SORCS1: variants seen among roughly 807,000 people sequenced by gnomAD.
SORCS1 encodes VPS10 domain-containing receptor SorCS1.
A neutral mutation model predicts 146.1 loss-of-function variants in SORCS1; 60 were observed. The ratio of observed to expected loss-of-function variants is 0.41; its 90% CI spans 0.33 to 0.51. SORCS1 has a LOEUF of 0.51. SORCS1 is among the 20% of genes least tolerant of loss of function. The probability of loss-of-function intolerance (pLI) is 0.21; values close to 1 mark genes in which losing one functional copy is unlikely to be tolerated. For synonymous variants in SORCS1, 637 were observed against 584.0 expected (o/e 1.09, Z -1.31); for missense variants, 1,352 against 1,487.6 (o/e 0.91, Z 1.50).
At chr10:107,101,106 C>T (rs146483378) in intron 1 of SORCS1, among the ~76,000 whole-genome samples, 446 of 152,258 alleles carry the variant, frequency 2.9e-3, no homozygotes, top group African/African-American at 9.7e-3. Flanking sequence ...ATTGCCCAGG[C>T]TGGAGTGCAA....
chr10:106,907,327 C>T (rs1288702283), intron 2 of SORCS1, among the ~76,000 whole-genome samples: 1 of 152,062 alleles, frequency 6.6e-6, no homozygotes, highest in African/African-American at 2.4e-5. Context: ...AATATAGATT[C>T]ATACTGACTG....
intron 1 of SORCS1, among the ~76,000 whole-genome samples, chr10:107,067,312 T>TC (rs1491157636): frequency 7.3e-6 from 1 of 137,100 alleles, no homozygotes; most frequent in Admixed American, 7.3e-5. Flanking sequence ...TTTTTTTTTT[T>TC]CCAACAGGTT....
At chr10:106,621,089 C>T (rs1847714257) in intron 19 of SORCS1, among the ~76,000 whole-genome samples, 1 of 152,160 alleles carries the variant, frequency 6.6e-6, no homozygotes, top group African/African-American at 2.4e-5. Flanking sequence ...AAGCATGGCA[C>T]ACACACTGTG....
intron 5 of SORCS1, among the ~76,000 whole-genome samples, chr10:106,758,559 T>C (rs1282717899): frequency 6.6e-6 from 1 of 152,230 alleles, no homozygotes. Context: ...ACAACATTCA[T>C]TTATTTCAGT....
chr10:106,715,363 T>C (rs146083012), intron 6 of SORCS1, among the ~76,000 whole-genome samples: 212 of 152,332 alleles, frequency 1.4e-3, no homozygotes, highest in Non-Finnish European at 2.2e-3. Context: ...CTTCACTCTC[T>C]GCAACAGCTG....
the SORCS1 span, among the ~76,000 whole-genome samples, chr10:107,180,113 A>G: frequency 6.6e-6 from 1 of 151,524 alleles, no homozygotes; most frequent in Admixed American, 6.6e-5. Flanking sequence ...ATGAGGTCTC[A>G]CTATGTTGCT....
chr10:107,101,808 G>A (rs1964944801), intron 1 of SORCS1, among the ~76,000 whole-genome samples: 1 of 151,580 alleles, frequency 6.6e-6, no homozygotes, highest in Non-Finnish European at 1.5e-5. Context: ...TGACTCAATA[G>A]TCTTTATAAT....
At chr10:107,024,318 T>C (rs1247093560) in intron 1 of SORCS1, among the ~76,000 whole-genome samples, 1 of 152,040 alleles carries the variant, frequency 6.6e-6, no homozygotes, top group Non-Finnish European at 1.5e-5. Flanking sequence ...GGCTGGTGTG[T>C]GCAGATCCCA....
chr10:106,806,641 G>A (rs1947200706), intron 3 of SORCS1, among the ~76,000 whole-genome samples: 1 of 145,762 alleles, frequency 6.9e-6, no homozygotes, highest in Admixed American at 7.0e-5. Context: ...TCAGCCTCCC[G>A]AGTAGCTGGG....
In SORCS1 at chr10:106,652,455, C is replaced by T. The variant is rs552642679; in HGVS notation, c.2402G>A (p.Arg801Gln). 2.2e-5 allele frequency: 35 copies of T among 1,614,094 alleles called. No homozygotes were observed. The highest frequency in any genetic ancestry group is 6.7e-5 in the Admixed American group (4 of 60,016). Reference sequence around the variant, plus strand: ...CAGCTTTCCATCAGCCGTGACTATCCGCAGCCCCCGCGGGGCTTTCCCTGG... The same window carrying T: ...CAGCTTTCCATCAGCCGTGACTATCTGCAGCCCCCGCGGGGCTTTCCCTGG... ...KCPGKAPRGL[R>Q]IVTADGKLTA... The change falls in exon 18 of 26, where the codon CGG becomes CAG. Residue 801 changes from arginine to glutamine, a missense_variant. Transcript: ENST00000263054.
At chr10:106,829,533 C>A in intron 3 of SORCS1, 41 bp downstream of exon 3, 3 of 1,452,874 alleles carry the variant, frequency 2.1e-6, no homozygotes, top group South Asian at 2.6e-5. Context: ...AGACAGAAGT[C>A]ACATCATGAA....
chr10:106,792,901 T>A (rs1386666371), intron 3 of SORCS1, among the ~76,000 whole-genome samples: 1 of 152,186 alleles, frequency 6.6e-6, no homozygotes, highest in African/African-American at 2.4e-5. Flanking sequence ...ACACGACTTT[T>A]GGAAAAACAT....
chr10:106,810,607 A>C (rs994956805), intron 3 of SORCS1, among the ~76,000 whole-genome samples: 1 of 152,170 alleles, frequency 6.6e-6, no homozygotes, highest in Non-Finnish European at 1.5e-5. Flanking sequence ...CTTTGAATAC[A>C]CCATAATAGT....
At chr10:107,175,628 G>T in the SORCS1 span, among the ~76,000 whole-genome samples, 1 of 151,962 alleles carries the variant, frequency 6.6e-6, no homozygotes, top group Non-Finnish European at 1.5e-5. Context: ...TAGAGACGGG[G>T]TTTCACCATG....
At chr10:106,830,819 C>G (rs1345837527) in intron 2 of SORCS1, among the ~76,000 whole-genome samples, 3 of 151,810 alleles carry the variant, frequency 2.0e-5, no homozygotes, top group African/African-American at 7.3e-5. Context: ...TCACTTGAAA[C>G]CAGGAGGCAG....
At chr10:107,162,168 T>C (rs999858295) in intron 1 of SORCS1, among the ~76,000 whole-genome samples, 1 of 152,208 alleles carries the variant, frequency 6.6e-6, no homozygotes, top group Non-Finnish European at 1.5e-5. Context: ...TTCTCTTTCT[T>C]TCCAAGATCT....
intron 2 of SORCS1, among the ~76,000 whole-genome samples, chr10:106,955,965 C>A: frequency 6.6e-6 from 1 of 152,016 alleles, no homozygotes; most frequent in East Asian, 1.9e-4. Context: ...CCATCTCTAT[C>A]AAAAATACAA....
chr10:106,578,159 T>C (rs976624742), intron 25 of SORCS1: 1 of 152,270 alleles, frequency 6.6e-6, no homozygotes, highest in African/African-American at 2.4e-5. Flanking sequence ...TGTAAACATA[T>C]AAGGCTTCAA....
intron 1 of SORCS1, among the ~76,000 whole-genome samples, chr10:107,056,351 G>A (rs1960634099): frequency 6.6e-6 from 1 of 152,182 alleles, no homozygotes; most frequent in South Asian, 2.1e-4. Flanking sequence ...CATGAAGCAC[G>A]ATCACTGCCC....
Sources: gnomAD v4.1 joint callset for allele counts (sites outside exome capture counted in the v4.1 genomes callset) on GRCh38, gnomAD v4.1.1 for gene constraint, MANE v1.5 for transcripts, NCBI Gene and HGNC (gene_info 2026-07-23, HGNC 2026-07-21) for gene names.